Variants in ZNF439 observed in about 807,000 individuals in gnomAD.
ZNF439 encodes zinc finger protein 439.
Under a neutral mutation model 47.3 loss-of-function variants are expected in ZNF439, and 40 were observed. That is an observed-to-expected ratio of 0.85 (90% confidence interval 0.66 to 1.10). ZNF439 has a LOEUF of 1.10. Ranked by LOEUF, ZNF439 falls within the 50% of genes least tolerant of loss-of-function variation. The probability of loss-of-function intolerance (pLI) is 0.00; values close to 1 mark genes in which losing one functional copy is unlikely to be tolerated. For missense variants in ZNF439, 556 were observed against 601.1 expected (o/e 0.93, Z 0.78); for synonymous variants, 171 against 198.8 (o/e 0.86, Z 1.18).
At position 11,868,221 on chromosome 19, in the gene ZNF439, C is replaced by CTT. The variant is rs1976761896; in HGVS notation, c.1167_1168insTT (p.Lys390LeufsTer162). On this transcript the variant is annotated frameshift_variant, in exon 4 of 4. Coordinates refer to ENST00000682736, the MANE Select transcript of ZNF439 (RefSeq NM_001348719.2). LOFTEE classifies it high-confidence loss of function. ...ACAGTGGAGAGAAACCGTATAAATG[C>CTT]AAGCAATGTGGTAAAGCCTTCACTC... is the stretch of plus-strand genomic sequence containing the variant. The CTT allele has an allele frequency of 6.2e-7, 1 of 1,613,806 alleles. No individual in the cohort carries two copies. The highest frequency in any genetic ancestry group is 1.3e-5 in the African/African-American group (1 of 74,854).
chr19:11,853,215 C>T (rs929357680), intron 1 of ZNF439, among the ~76,000 whole-genome samples: 1 of 152,180 alleles, frequency 6.6e-6, no homozygotes, highest in African/African-American at 2.4e-5. Flanking sequence ...AGGTGTGAGC[C>T]ACCACGCCTG....
chr19:11,868,118 G>A lies in ZNF439; in HGVS notation c.1064G>A (p.Gly355Glu), dbSNP rs768526874. ...CAAACACACATAAGAATGCACTCTG[G>A]AGAAAGACCTTATGAATGTAAGACA... is the stretch of plus-strand genomic sequence containing the variant. ...SFQTHIRMHS[G>E]ERPYECKTCG... The change falls in exon 4 of 4, where the codon GGA becomes GAA. Residue 355 changes from glycine to glutamate, a missense_variant. Physicochemically the swap from Gly to Glu is moderately conservative, Grantham distance 98. Transcript: ENST00000682736. The A allele has an allele frequency of 6.2e-7, 1 of 1,614,064 alleles. No homozygotes were observed. The highest frequency in any genetic ancestry group is 1.3e-5 in the African/African-American group (1 of 74,914).
chr19:11,865,286 G>C (rs1372131370), intron 1 of ZNF439, among the ~76,000 whole-genome samples: 2 of 151,846 alleles, frequency 1.3e-5, no homozygotes, highest in Non-Finnish European at 2.9e-5. Flanking sequence ...GTGTAATTAC[G>C]GTCTTGTTTT....
intron 1 of ZNF439, among the ~76,000 whole-genome samples, chr19:11,851,421 T>C (rs1976237171): frequency 6.6e-6 from 1 of 152,140 alleles, no homozygotes; most frequent in Non-Finnish European, 1.5e-5. Flanking sequence ...CATTCTGTCG[T>C]TGTGGGAGTG....
At chr19:11,857,569 T>C (rs1332087982) in intron 1 of ZNF439, 2 of 152,372 alleles carry the variant, frequency 1.3e-5, no homozygotes, top group African/African-American at 4.8e-5. Context: ...CCATGAGGCA[T>C]GTCTCTGCTG....
At position 11,869,398 on chromosome 19, in the gene ZNF439, T is replaced by A. The variant is rs946292512; in HGVS notation, c.*829T>A. 6.5e-6 allele frequency: 1 copy of A among 154,884 alleles called. No homozygotes were observed. Among genetic ancestry groups the A allele is most frequent in the Non-Finnish European group, 1.4e-5 (1 of 69,086 alleles). 9.6% of individuals were successfully genotyped at this position (154,884 alleles called of 1,614,324 possible). A position where few individuals can be genotyped will look rare whatever the true frequency, so the allele number is the denominator to read the frequency against. Reference sequence around the variant, plus strand: ...TAATGAATGTAAACAATTAACTGTTTATAATAACTGTATACTAACAAATGT... The same window carrying A: ...TAATGAATGTAAACAATTAACTGTTAATAATAACTGTATACTAACAAATGT... On this transcript the variant is annotated 3_prime_UTR_variant, in exon 4 of 4. Transcript: ENST00000682736.
chr19:11,867,931 C>T lies in ZNF439; in HGVS notation c.877C>T (p.His293Tyr). 1 of 1,614,014 alleles carries T rather than the reference C, an allele frequency of 6.2e-7. No homozygotes were observed. Among genetic ancestry groups the T allele is most frequent in the Non-Finnish European group, 8.5e-7 (1 of 1,180,004 alleles). Residue 293 changes from histidine to tyrosine, a missense_variant, in exon 4 of 4, where the codon CAT becomes TAT. Coordinates refer to ENST00000682736, the MANE Select transcript of ZNF439 (RefSeq NM_001348719.2). ...AFHSPRSCHR[H>Y]ERSHMGEKAY... ...CCATAGTCCCAGATCCTGTCACAGA[C>T]ATGAAAGGAGTCACATGGGAGAGAA...
chr19:11,865,756 G>A (rs1413173869), intron 1 of ZNF439, among the ~76,000 whole-genome samples: 1 of 146,602 alleles, frequency 6.8e-6, no homozygotes, highest in Non-Finnish European at 1.5e-5. Context: ...GTCTGGGTGT[G>A]GTGGCTCATG....
chr19:11,853,058 A>G (rs760797017), intron 1 of ZNF439, among the ~76,000 whole-genome samples: 2 of 151,454 alleles, frequency 1.3e-5, no homozygotes, highest in Admixed American at 6.6e-5. Context: ...GCCTCCTGAG[A>G]AGCTGGGATT....
At chr19:11,850,607 ATTGGAAG>A (rs1976210024) in intron 1 of ZNF439, 1 of 152,176 alleles carries the variant, frequency 6.6e-6, no homozygotes, top group Non-Finnish European at 1.5e-5. Context: ...GTACTCCAAA[ATTGGAAG>A]TTATGTTCTT....
At chr19:11,859,493 A>G (rs1445056635) in intron 1 of ZNF439, among the ~76,000 whole-genome samples, 1 of 152,200 alleles carries the variant, frequency 6.6e-6, no homozygotes, top group Non-Finnish European at 1.5e-5. Context: ...TCTGAGCCAA[A>G]TGCTTTACAT....
At chr19:11,850,372 C>T (rs1432468069) in intron 1 of ZNF439, 3 of 152,122 alleles carry the variant, frequency 2.0e-5, no homozygotes, top group African/African-American at 7.2e-5. Flanking sequence ...CATCGCCATG[C>T]CAGAAGATAT....
intron 1 of ZNF439, among the ~76,000 whole-genome samples, chr19:11,853,220 C>T (rs550229664): frequency 1.1e-4 from 16 of 152,046 alleles, no homozygotes; most frequent in Admixed American, 8.5e-4. Flanking sequence ...TGAGCCACCA[C>T]GCCTGGCCTA....
Position 11,868,389 on chromosome 19 carries a change from T to C in ZNF439, c.1335T>C (p.Cys445=). 1 of 1,613,008 alleles carries C rather than the reference T, an allele frequency of 6.2e-7. No individual in the cohort carries two copies. Among genetic ancestry groups the C allele is most frequent in the South Asian group, 1.1e-5 (1 of 91,036 alleles). ...ACACTGGAGAGAAACCGTATCAATG[T>C]AAGGAATGTGGGAAAGCTTTCAGAT... ...RTHTGEKPYQ[C]KECGKAFRSA... The change falls in exon 4 of 4, where the codon TGT becomes TGC. Residue 445 remains cysteine (C), a synonymous_variant. Coordinates refer to ENST00000682736, the MANE Select transcript of ZNF439 (RefSeq NM_001348719.2).
In ZNF439 at chr19:11,868,865, A is replaced by G; in HGVS notation, c.*296A>G. 2.3e-6 allele frequency: 1 copy of G among 439,870 alleles called. No homozygotes were observed. The highest frequency in any genetic ancestry group is 4.7e-5 in the East Asian group (1 of 21,490). The allele number at this position is 439,870 out of a possible 1,614,324, so 27.2% of individuals were successfully genotyped here. A position where few individuals can be genotyped will look rare whatever the true frequency, so the allele number is the denominator to read the frequency against. On this transcript the variant is annotated 3_prime_UTR_variant, in exon 4 of 4. Transcript: ENST00000682736. Reference sequence around the variant, plus strand: ...CGTTCCATAATTTCTCTTCTTTTCAAATACATGAAAGTTGCACAGAGGAGA... The same window carrying G: ...CGTTCCATAATTTCTCTTCTTTTCAGATACATGAAAGTTGCACAGAGGAGA...
In ZNF439 at chr19:11,867,850, G is replaced by A. The variant is rs1976740036; in HGVS notation, c.796G>A (p.Glu266Lys). The A allele has an allele frequency of 1.2e-6, 2 of 1,613,836 alleles. No individual in the cohort carries two copies. Among genetic ancestry groups the A allele is most frequent in the East Asian group, 4.5e-5 (2 of 44,852 alleles). ...FSYSATHRIHERTHIGEKPYE... is the reference protein window; with the variant it reads ...FSYSATHRIHKRTHIGEKPYE... Reference sequence around the variant, plus strand: ...TTATTCTGCTACCCATCGAATACATGAAAGAACTCACATTGGAGAAAAGCC... The same window carrying A: ...TTATTCTGCTACCCATCGAATACATAAAAGAACTCACATTGGAGAAAAGCC... Residue 266 changes from glutamate (E) to lysine (K), a missense_variant, in exon 4 of 4, where the codon GAA becomes AAA. Transcript: ENST00000682736.
At chr19:11,857,750 T>C (rs182385223) in intron 1 of ZNF439, 5 of 152,326 alleles carry the variant, frequency 3.3e-5, no homozygotes, top group African/African-American at 4.8e-5. Context: ...CTGTTGAAAA[T>C]CATTTAAAAT....
intron 1 of ZNF439, chr19:11,856,471 A>G (rs575488763): frequency 6.6e-6 from 1 of 152,376 alleles, no homozygotes; most frequent in African/African-American, 2.4e-5. Flanking sequence ...GTCACCGCAC[A>G]TGAGCAGCTG....
chr19:11,854,766 AAAG>A (rs1488341923), intron 1 of ZNF439, among the ~76,000 whole-genome samples: 2 of 152,218 alleles, frequency 1.3e-5, no homozygotes, highest in Non-Finnish European at 2.9e-5. Flanking sequence ...CAAAAAAAAA[AAAG>A]AGATATTATG....
Sources: allele counts gnomAD v4.1 joint callset (sites outside exome capture counted in the v4.1 genomes callset), GRCh38; gene constraint gnomAD v4.1.1; transcripts MANE v1.5; gene names NCBI Gene and HGNC (gene_info 2026-07-23, HGNC 2026-07-21).